The following ALKBH7 variants were observed in gnomAD, a reference collection of about 807,000 sequenced individuals.
ALKBH7 encodes alkB homolog 7, RNA demethylase, also known as RNA demethylase ALKBH7, mitochondrial.
A neutral mutation model predicts 19.3 loss-of-function variants in ALKBH7; 21 were observed. The observed-to-expected ratio is 1.09, with a 90% confidence interval of 0.77 to 1.56. The LOEUF (loss-of-function observed/expected upper bound fraction) is 1.56, where lower values mean the gene tolerates loss of function less well. Among genes scored for constraint, ALKBH7 ranks in the 40% most tolerant of loss-of-function variants. ALKBH7 has a pLI of 0.00. For missense variants in ALKBH7, 354 were observed against 311.4 expected, an observed-to-expected ratio of 1.14 and a Z score of -1.03; for synonymous variants, 147 against 139.5, an observed-to-expected ratio of 1.05 and a Z score of -0.38.
chr19:6,373,677 A>G, intron 1 of ALKBH7: 3 of 1,190,836 alleles, frequency 2.5e-6, no homozygotes, highest in Non-Finnish European at 3.1e-6. Flanking sequence ...TAGAGAGGGC[A>G]GAACCACGCT....
chr19:6,373,482 T>G, intron 1 of ALKBH7: 14 of 419,948 alleles, frequency 3.3e-5, no homozygotes, highest in East Asian at 1.1e-4. Context: ...GAGTCGGGTG[T>G]AGGGTTGGGG....
chr19:6,375,027 C>G lies in ALKBH7; in HGVS notation c.*54C>G. 6.5e-7 allele frequency: 1 copy of G among 1,531,932 alleles called. No individual in the cohort carries two copies. The highest frequency in any genetic ancestry group is 8.8e-7 in the Non-Finnish European group (1 of 1,140,770). 94.9% of individuals were successfully genotyped at this position (1,531,932 alleles called of 1,614,324 possible). A position where few individuals can be genotyped will look rare whatever the true frequency, so the allele number is the denominator to read the frequency against. ...GTGAATAAAGTTGGGGAATGGACAGCCTAACTGGGACATTGCAGTGGCTGC... is the reference window on the plus strand; with the variant it reads ...GTGAATAAAGTTGGGGAATGGACAGGCTAACTGGGACATTGCAGTGGCTGC... On this transcript the variant is annotated 3_prime_UTR_variant, in exon 4 of 4. Coordinates refer to ENST00000245812, the MANE Select transcript of ALKBH7 (RefSeq NM_032306.4).
Position 6,374,530 on chromosome 19 carries a change from C to T in ALKBH7, c.444C>T (p.Thr148=). Reference sequence around the variant, plus strand: ...CCAGCGTTATGCGGCTGGTGCACACCCAGGAGCCGGGGGAGTGGCTGGAAC... The same window carrying T: ...CCAGCGTTATGCGGCTGGTGCACACTCAGGAGCCGGGGGAGTGGCTGGAAC... ...LSPSVMRLVH[T]QEPGEWLELL... The change falls in exon 3 of 4, where the codon ACC becomes ACT. Residue 148 remains threonine, a synonymous_variant. Coordinates refer to ENST00000245812, the MANE Select transcript of ALKBH7 (RefSeq NM_032306.4). 1 of 1,614,072 alleles carries T rather than the reference C, an allele frequency of 6.2e-7. No individual in the cohort carries two copies. The highest frequency in any genetic ancestry group is 8.5e-7 in the Non-Finnish European group (1 of 1,179,990).
In ALKBH7 at chr19:6,372,813, C is replaced by G. The variant is rs960177358; in HGVS notation, c.-8C>G. On this transcript the variant is annotated 5_prime_UTR_variant, in exon 1 of 4. Transcript: ENST00000245812. ...CCCTGCCCTCTCTCATGACCCCGCT[C>G]CGGGATTATGGCCGGGACTGGGCTG... 5.2e-6 allele frequency: 8 copies of G among 1,540,972 alleles called. No individual in the cohort carries two copies. The highest frequency in any genetic ancestry group is 7.0e-6 in the Non-Finnish European group (8 of 1,147,818).
intron 1 of ALKBH7, chr19:6,373,552 G>T: frequency 2.1e-6 from 2 of 934,638 alleles, no homozygotes; most frequent in South Asian, 4.7e-5. Context: ...ATTGGGGCGT[G>T]GTCAGGTCGT....
At position 6,375,147 on chromosome 19, in the gene ALKBH7, G is replaced by A; in HGVS notation, c.*174G>A. On this transcript the variant is annotated 3_prime_UTR_variant, in exon 4 of 4. Transcript: ENST00000245812. Reference sequence around the variant, plus strand: ...GCTGGACACATGGTCAAAGTCACAAGGCCGGGAGAGTGGTGTCCTTTATTG... The same window carrying A: ...GCTGGACACATGGTCAAAGTCACAAAGCCGGGAGAGTGGTGTCCTTTATTG... 4 of 1,288,092 alleles carry A rather than the reference G, an allele frequency of 3.1e-6. No homozygotes were observed. The South Asian group carries it at 4.9e-5, about 16-fold the overall frequency. The allele number at this position is 1,288,092 out of a possible 1,614,324, so 79.8% of individuals were successfully genotyped here.
chr19:6,373,778 G>C (rs2091905503), intron 1 of ALKBH7: 2 of 1,281,972 alleles, frequency 1.6e-6, no homozygotes, highest in Non-Finnish European at 2.0e-6. Flanking sequence ...CTGGGCTATG[G>C]TGGGGGCTGG....
chr19:6,374,645 G>T (rs2091912036), intron 3 of ALKBH7, 56 bp downstream of exon 3: 1 of 1,610,534 alleles, frequency 6.2e-7, no homozygotes, highest in African/African-American at 1.3e-5. Context: ...CGCCCACCCT[G>T]TGCCCTGGGT....
rs2091896589 is a variant in ALKBH7 at position 6,372,806 on chromosome 19, C to T, written c.-15C>T. 4 of 1,538,774 alleles carry T rather than the reference C, an allele frequency of 2.6e-6. No individual in the cohort carries two copies. Among genetic ancestry groups the T allele is most frequent in the South Asian group, 2.4e-5 (2 of 84,018 alleles). On this transcript the variant is annotated 5_prime_UTR_variant, in exon 1 of 4. Coordinates refer to ENST00000245812, the MANE Select transcript of ALKBH7 (RefSeq NM_032306.4). ...TCCCCAACCCTGCCCTCTCTCATGA[C>T]CCCGCTCCGGGATTATGGCCGGGAC...
chr19:6,374,073 G>A, intron 1 of ALKBH7, 130 bp from the exon 2 acceptor site: 3 of 1,531,898 alleles, frequency 2.0e-6, no homozygotes, highest in Non-Finnish European at 2.6e-6. Context: ...AGGGGCTAGG[G>A]GAGTTTGAGT....
Position 6,373,019 on chromosome 19 carries a change from G to A in ALKBH7, c.199G>A (p.Asp67Asn). 1 of 1,565,330 alleles carries A rather than the reference G, an allele frequency of 6.4e-7. No homozygotes were observed. The highest frequency in any genetic ancestry group is 8.6e-7 in the Non-Finnish European group (1 of 1,157,844). The change falls in exon 1 of 4, where the codon GAC (aspartate) becomes AAC (asparagine). Residue 67 changes from aspartate to asparagine, a missense_variant. Coordinates refer to ENST00000245812, the MANE Select transcript of ALKBH7 (RefSeq NM_032306.4). Reference protein sequence around the residue: ...RRRRYEYDHWDAAIHGFRETE... With the variant: ...RRRRYEYDHWNAAIHGFRETE... The stretch of plus-strand genomic sequence containing the variant: ...CCGCCGCTACGAATACGATCACTGG[G>A]ACGCGGTGAGACCGGCAGCGCCGGG...
Position 6,374,263 on chromosome 19 carries a change from C to T in ALKBH7, c.265C>T (p.Leu89=). The T allele has an allele frequency of 6.2e-7, 1 of 1,613,486 alleles. No individual in the cohort carries two copies. The highest frequency in any genetic ancestry group is 8.5e-7 in the Non-Finnish European group (1 of 1,179,810). The change falls in exon 2 of 4, where the codon CTG becomes TTG. Residue 89 remains leucine (L), a synonymous_variant. Coordinates refer to ENST00000245812, the MANE Select transcript of ALKBH7 (RefSeq NM_032306.4). ...CTGGTCAGAAGCCAGCCGGGCCATC[C>T]TGCAGCGCGTGCAGGCGGCCGCCTT... ...SRWSEASRAI[L]QRVQAAAFGP...
chr19:6,374,033 T>C (rs2091907398), intron 1 of ALKBH7, 170 bp from the exon 2 acceptor site: 3 of 984,982 alleles, frequency 3.0e-6, no homozygotes, highest in South Asian at 4.7e-5. Context: ...TACTAAGGAC[T>C]GAGGTCACAC....
At position 6,374,561 on chromosome 19, in the gene ALKBH7, C is replaced by A. The variant is rs756241631; in HGVS notation, c.475C>A (p.Leu159Met). The change falls in exon 3 of 4, where the codon CTG becomes ATG. Residue 159 changes from leucine (L) to methionine (M), a missense_variant. Coordinates refer to ENST00000245812, the MANE Select transcript of ALKBH7 (RefSeq NM_032306.4). Reference protein sequence around the residue: ...QEPGEWLELLLEPGSLYILRG... With the variant: ...QEPGEWLELLMEPGSLYILRG... ...GCCGGGGGAGTGGCTGGAACTCTTG[C>A]TGGAGCCGGGCTCCCTCTACATCCT... The A allele has an allele frequency of 5.0e-6, 8 of 1,613,560 alleles. No individual in the cohort carries two copies. In the South Asian group the frequency reaches 8.8e-5, roughly 18 times the overall value.
Position 6,372,830 on chromosome 19 carries a change from A to T in ALKBH7, c.10A>T (p.Thr4Ser). The change falls in exon 1 of 4, where the codon ACT becomes TCT. Residue 4 changes from threonine to serine, a missense_variant. Physicochemically the swap from Thr to Ser is moderately conservative, Grantham distance 58. Coordinates refer to ENST00000245812, the MANE Select transcript of ALKBH7 (RefSeq NM_032306.4). The part of the protein sequence containing the change: MAG[T>S]GLLALRTLPG... ...ACCCCGCTCCGGGATTATGGCCGGG[A>T]CTGGGCTGCTGGCGCTGCGGACGCT... The T allele has an allele frequency of 1.0e-5, 16 of 1,544,292 alleles. No individual in the cohort carries two copies. Among genetic ancestry groups the T allele is most frequent in the Non-Finnish European group, 1.4e-5 (16 of 1,149,106 alleles).
At position 6,374,581 on chromosome 19, in the gene ALKBH7, C is replaced by T. The variant is rs781051617; in HGVS notation, c.495C>T (p.Tyr165=). The T allele has an allele frequency of 1.9e-6, 3 of 1,613,088 alleles. No individual in the cohort carries two copies. The highest frequency in any genetic ancestry group is 1.7e-5 in the Admixed American group (1 of 59,974). The change falls in exon 3 of 4, where the codon TAC becomes TAT. Residue 165 remains tyrosine (Y), a synonymous_variant. Coordinates refer to ENST00000245812, the MANE Select transcript of ALKBH7 (RefSeq NM_032306.4). Reference sequence around the variant, plus strand: ...TCTTGCTGGAGCCGGGCTCCCTCTACATCCTTAGGTACCTCCATCCAGGCA... The same window carrying T: ...TCTTGCTGGAGCCGGGCTCCCTCTATATCCTTAGGTACCTCCATCCAGGCA... ...LELLLEPGSL[Y]ILRGSARYDF...
chr19:6,373,639 C>T (rs1302255846), intron 1 of ALKBH7: 9 of 1,110,940 alleles, frequency 8.1e-6, no homozygotes, highest in African/African-American at 2.1e-5. Flanking sequence ...TGGGGCCATG[C>T]TGTGGGGGGG....
chr19:6,373,597 CGG>C (rs2091903747), intron 1 of ALKBH7: 39 of 922,796 alleles, frequency 4.2e-5, no homozygotes, highest in Non-Finnish European at 4.9e-5. Flanking sequence ...AAGCTTGGGG[CGG>C]GGTCCGTGGA....
Position 6,374,564 on chromosome 19 carries a change from G to A in ALKBH7, c.478G>A (p.Glu160Lys). Reference sequence around the variant, plus strand: ...GGGGGAGTGGCTGGAACTCTTGCTGGAGCCGGGCTCCCTCTACATCCTTAG... The same window carrying A: ...GGGGGAGTGGCTGGAACTCTTGCTGAAGCCGGGCTCCCTCTACATCCTTAG... ...EPGEWLELLLEPGSLYILRGS... is the reference protein window; with the variant it reads ...EPGEWLELLLKPGSLYILRGS... Residue 160 changes from glutamate (E) to lysine (K), a missense_variant, in exon 3 of 4, where the codon GAG (glutamate) becomes AAG (lysine). Transcript: ENST00000245812. 6.2e-7 allele frequency: 1 copy of A among 1,613,582 alleles called. No individual in the cohort carries two copies. The highest frequency in any genetic ancestry group is 8.5e-7 in the Non-Finnish European group (1 of 1,179,982).
Sources: allele counts gnomAD v4.1 joint callset, GRCh38; gene constraint gnomAD v4.1.1; transcripts MANE v1.5; gene names NCBI Gene and HGNC (gene_info 2026-07-23, HGNC 2026-07-21).